The following LTBP1 variants were observed in gnomAD, a reference collection of about 807,000 sequenced individuals.
LTBP1 encodes the protein latent-transforming growth factor beta-binding protein 1.
In LTBP1, 129 loss-of-function variants were observed where a neutral mutation model predicts 207.6. The observed-to-expected ratio is 0.62, with a 90% confidence interval of 0.54 to 0.72. The LOEUF is 0.72. Ranked by LOEUF, LTBP1 falls within the 30% of genes least tolerant of loss-of-function variation. LTBP1 has a pLI of 0.00. For missense variants in LTBP1, 2,281 were observed against 2,217.2 expected (o/e 1.03, Z -0.58); for synonymous variants, 963 against 833.7 (o/e 1.16, Z -2.67).
At chr2:32,984,499 G>A (rs1356264616) in intron 2 of LTBP1, among the ~76,000 whole-genome samples, 1 of 152,224 alleles carries the variant, frequency 6.6e-6, no homozygotes. Context: ...ACCTGGACCT[G>A]TGGGGTCAGG....
In LTBP1 at chr2:33,270,233, T is replaced by G. The variant is rs374587242; in HGVS notation, c.2618-3423T>G. ...CTGCACACAGCCTCTGATGTTCAAC[T>G]TTTTGATAAGTAGTGAATAGAAAGC... On this transcript the variant is annotated intron_variant, in intron 15 of 33. Coordinates refer to ENST00000404816, the MANE Select transcript of LTBP1 (RefSeq NM_206943.4). 2.6e-5 allele frequency among the ~76,000 whole-genome samples: 4 copies of G among 151,672 alleles called. No homozygotes were observed. The East Asian group carries it at 5.9e-4, about 22-fold the overall frequency.
chr2:33,148,031 A>G (rs1425004091), intron 5 of LTBP1, among the ~76,000 whole-genome samples: 1 of 152,208 alleles, frequency 6.6e-6, no homozygotes, highest in Admixed American at 6.5e-5. Context: ...CAGGAGTTCA[A>G]TTCCATAGTC....
intron 11 of LTBP1, among the ~76,000 whole-genome samples, chr2:33,256,463 T>G (rs2092854347): frequency 6.6e-6 from 1 of 151,930 alleles, no homozygotes; most frequent in South Asian, 2.1e-4. Context: ...GCATCTCATT[T>G]CCCTGAATAG....
chr2:33,200,158 A>G (rs1339208131), intron 7 of LTBP1, among the ~76,000 whole-genome samples: 4 of 152,134 alleles, frequency 2.6e-5, no homozygotes, highest in Non-Finnish European at 2.9e-5. Context: ...AAAAGAGCCC[A>G]CATTGCCAAG....
chr2:33,182,687 G>GAGATATATATATATATATATATACAT (rs1469125010), intron 5 of LTBP1, among the ~76,000 whole-genome samples: 1 of 67,004 alleles, frequency 1.5e-5, no homozygotes, highest in African/African-American at 5.9e-5. Context: ...AAAAGATGGT[G>GAGATATATATATATATATATATACAT]ATATATATAT....
Position 33,397,129 on chromosome 2 carries a change from C to A in LTBP1, c.4835-4C>A, listed in dbSNP as rs751940995. The A allele has an allele frequency of 6.2e-7, 1 of 1,612,932 alleles. No individual in the cohort carries two copies. Among genetic ancestry groups the A allele is most frequent in the South Asian group, 1.1e-5 (1 of 90,866 alleles). ...TAACTTAGCTTCTGCCCTTTCCTTTCCAGGTTTTCTAAATAGCTTTGAGGA... is the reference window on the plus strand; with the variant it reads ...TAACTTAGCTTCTGCCCTTTCCTTTACAGGTTTTCTAAATAGCTTTGAGGA... On this transcript the variant is annotated splice_polypyrimidine_tract_variant and splice_region_variant and intron_variant, in intron 32 of 33. Coordinates refer to ENST00000404816, the MANE Select transcript of LTBP1 (RefSeq NM_206943.4).
intron 23 of LTBP1, 99 bp downstream of exon 23, chr2:33,309,655 T>G (rs2094152108): frequency 7.4e-7 from 1 of 1,356,218 alleles, no homozygotes; most frequent in East Asian, 2.4e-5. Flanking sequence ...GTGATTTATA[T>G]GTAAATAATT....
At chr2:33,310,191 C>T (rs550204071) in intron 23 of LTBP1, among the ~76,000 whole-genome samples, 2 of 152,280 alleles carry the variant, frequency 1.3e-5, no homozygotes, top group South Asian at 2.1e-4. Flanking sequence ...TCGTGATCCA[C>T]CCGCTTTGGC....
chr2:33,274,937 A>C (rs1273732088), intron 16 of LTBP1, 28 bp from the exon 17 acceptor site: 1 of 1,610,234 alleles, frequency 6.2e-7, no homozygotes, highest in African/African-American at 1.3e-5. Flanking sequence ...CACAGAACTA[A>C]TATTTTTATA....
chr2:33,051,809 C>T (rs1037823124), intron 3 of LTBP1, among the ~76,000 whole-genome samples: 2 of 152,220 alleles, frequency 1.3e-5, no homozygotes, highest in African/African-American at 4.8e-5. Flanking sequence ...CTTGCTCAAT[C>T]TGCTAGGCTT....
At chr2:33,029,656 A>G (rs12623214) in intron 3 of LTBP1, among the ~76,000 whole-genome samples, 39,145 of 152,106 alleles carry the variant, frequency 0.26, 5,242 homozygotes, top group East Asian at 0.31. Flanking sequence ...CAGCAGAGTC[A>G]TGACTTGAAC....
At chr2:33,233,649 C>T (rs577462375) in intron 9 of LTBP1, among the ~76,000 whole-genome samples, 6 of 152,122 alleles carry the variant, frequency 3.9e-5, no homozygotes, top group South Asian at 4.2e-4. Context: ...TGGAAATTTC[C>T]ACTTGGAGTT....
At chr2:33,079,648 C>T (rs1254781001) in intron 3 of LTBP1, among the ~76,000 whole-genome samples, 1 of 152,116 alleles carries the variant, frequency 6.6e-6, no homozygotes, top group Non-Finnish European at 1.5e-5. Context: ...TAACCAGTTG[C>T]ACCCTGCTTT....
rs142948326 is a variant in LTBP1 at position 33,205,144 on chromosome 2, A to G, written c.1702-12408A>G. Reference sequence around the variant, plus strand: ...GTCAAACAGAGTGAATGAATAACCTATACTTGTCTCTCAAATGCTACTGAC... The same window carrying G: ...GTCAAACAGAGTGAATGAATAACCTGTACTTGTCTCTCAAATGCTACTGAC... On this transcript the variant is annotated intron_variant, in intron 7 of 33. Coordinates refer to ENST00000404816, the MANE Select transcript of LTBP1 (RefSeq NM_206943.4). Among the ~76,000 whole-genome samples the G allele has an allele frequency of 2.0e-5, 3 of 152,308 alleles. No individual in the cohort carries two copies. In the East Asian group the frequency reaches 5.8e-4, roughly 29 times the overall value.
intron 23 of LTBP1, among the ~76,000 whole-genome samples, chr2:33,313,061 G>T (rs992650397): frequency 6.6e-6 from 1 of 152,142 alleles, no homozygotes; most frequent in Non-Finnish European, 1.5e-5. Context: ...ATTACCAATA[G>T]GTAGAGAACA....
chr2:33,106,816 C>A (rs79755158), intron 3 of LTBP1, among the ~76,000 whole-genome samples: 1 of 152,108 alleles, frequency 6.6e-6, no homozygotes, highest in Non-Finnish European at 1.5e-5. Context: ...CAGCCACCAA[C>A]GAAAGTCAGC....
intron 22 of LTBP1, among the ~76,000 whole-genome samples, chr2:33,306,916 C>T (rs969368055): frequency 3.3e-5 from 5 of 151,938 alleles, no homozygotes; most frequent in African/African-American, 7.3e-5. Context: ...GGTGAAACCC[C>T]GTCTCTACTA....
At chr2:33,078,862 C>CTTTTCTTTTTTTTTTTT (rs1367646259) in intron 3 of LTBP1, among the ~76,000 whole-genome samples, 3 of 106,888 alleles carry the variant, frequency 2.8e-5, no homozygotes, top group African/African-American at 6.4e-5. Context: ...CTTTTCTTTT[C>CTTTTCTTTTTTTTTTTT]TTTTTTTTTT....
At chr2:32,963,901 T>A (rs1347201749) in intron 2 of LTBP1, among the ~76,000 whole-genome samples, 1 of 152,196 alleles carries the variant, frequency 6.6e-6, no homozygotes. Context: ...GAATACAAGA[T>A]ATCAAAAGCG....
Sources: allele counts gnomAD v4.1 joint callset (sites outside exome capture counted in the v4.1 genomes callset), GRCh38; gene constraint gnomAD v4.1.1; transcripts MANE v1.5; gene names NCBI Gene and HGNC (gene_info 2026-07-23, HGNC 2026-07-21).